IKZF2: variants seen among roughly 807,000 people sequenced by gnomAD.
The protein encoded by IKZF2 is zinc finger protein Helios.
IKZF2 carries 15 observed loss-of-function variants against 49.2 expected under a neutral mutation model. The ratio of observed to expected loss-of-function variants is 0.30; its 90% CI spans 0.20 to 0.47. The LOEUF is 0.47. Ranked by LOEUF, IKZF2 falls within the 20% of genes least tolerant of loss-of-function variation. The pLI, the probability that IKZF2 is intolerant of heterozygous loss-of-function variation, is 1.00. For missense variants in IKZF2, 567 were observed against 664.6 expected, an observed-to-expected ratio of 0.85 and a Z score of 1.61; for synonymous variants, 227 against 221.4, an observed-to-expected ratio of 1.03 and a Z score of -0.23.
chr2:213,085,178 T>A (rs865825308), intron 4 of IKZF2, among the ~76,000 whole-genome samples: 1 of 152,208 alleles, frequency 6.6e-6, no homozygotes, highest in Non-Finnish European at 1.5e-5. Context: ...TAGAAACAGA[T>A]GATGTTAAAA....
At chr2:213,128,804 CTT>C (rs1184422126) in intron 4 of IKZF2, among the ~76,000 whole-genome samples, 2 of 113,176 alleles carry the variant, frequency 1.8e-5, no homozygotes, top group African/African-American at 3.3e-5. Context: ...ATTTTTTTTT[CTT>C]TTTTTTTTTT....
chr2:213,000,685 A>T lies in IKZF2; in HGVS notation c.*6675T>A, dbSNP rs893244332. 3.3e-4 allele frequency: 15 copies of T among 45,174 alleles called. No homozygotes were observed. In the East Asian group the frequency reaches 5.1e-3, roughly 15 times the overall value. 2.8% of individuals were successfully genotyped at this position (45,174 alleles called of 1,614,324 possible). On this transcript the variant is annotated 3_prime_UTR_variant, in exon 9 of 9. Coordinates refer to ENST00000434687, the MANE Select transcript of IKZF2 (RefSeq NM_001387220.1). ...AACAGGACTGCTCCAAATATTTTTA[A>T]AAAAAATTTCTCCAATAGGTGATAT... is the stretch of plus-strand genomic sequence containing the variant.
intron 5 of IKZF2, among the ~76,000 whole-genome samples, chr2:213,051,122 T>A (rs1273426235): frequency 6.6e-6 from 1 of 151,968 alleles, no homozygotes; most frequent in Non-Finnish European, 1.5e-5. Context: ...AAACTCAAGG[T>A]TTTTTGGCCC....
At chr2:213,061,747 A>G (rs1701713542) in intron 4 of IKZF2, among the ~76,000 whole-genome samples, 1 of 151,560 alleles carries the variant, frequency 6.6e-6, no homozygotes, top group South Asian at 2.1e-4. Context: ...AAGCAAAAAA[A>G]ATACTATTAA....
At chr2:213,032,967 A>G (rs1698624429) in intron 6 of IKZF2, among the ~76,000 whole-genome samples, 1 of 152,214 alleles carries the variant, frequency 6.6e-6, no homozygotes, top group Non-Finnish European at 1.5e-5. Context: ...GATTTTACCC[A>G]GAGTAGAATT....
chr2:213,150,381 G>A (rs1370822656), intron 1 of IKZF2, 134 bp from the exon 2 acceptor site: 1 of 314,534 alleles, frequency 3.2e-6, no homozygotes, highest in Non-Finnish European at 6.5e-6. Context: ...TTTACAGGTG[G>A]GTCATTCCAA....
chr2:213,040,000 T>C (rs554803466), intron 6 of IKZF2, among the ~76,000 whole-genome samples: 4 of 152,108 alleles, frequency 2.6e-5, no homozygotes, highest in Non-Finnish European at 5.9e-5. Flanking sequence ...TAAGAGACAA[T>C]GAATAAATGT....
intron 4 of IKZF2, among the ~76,000 whole-genome samples, chr2:213,121,159 G>T (rs571463318): frequency 5.9e-5 from 9 of 152,238 alleles, no homozygotes; most frequent in African/African-American, 1.4e-4. Flanking sequence ...GATACTTGCT[G>T]ACTGATCAAG....
intron 4 of IKZF2, among the ~76,000 whole-genome samples, chr2:213,097,133 G>T (rs976458683): frequency 1.3e-5 from 2 of 152,044 alleles, no homozygotes; most frequent in African/African-American, 4.8e-5. Context: ...CTAATGGCAT[G>T]CAGTTTAATG....
intron 4 of IKZF2, among the ~76,000 whole-genome samples, chr2:213,134,487 G>C (rs959152080): frequency 5.9e-5 from 9 of 152,268 alleles, no homozygotes; most frequent in African/African-American, 1.7e-4. Flanking sequence ...AAAAGCAATA[G>C]ATTAGTCCAA....
intron 4 of IKZF2, among the ~76,000 whole-genome samples, chr2:213,110,497 T>A (rs1312095735): frequency 6.6e-6 from 1 of 151,942 alleles, no homozygotes; most frequent in African/African-American, 2.4e-5. Context: ...TATTCATGAT[T>A]CTTATTTTTT....
intron 4 of IKZF2, among the ~76,000 whole-genome samples, chr2:213,082,031 G>A (rs973728286): frequency 6.6e-6 from 1 of 152,190 alleles, no homozygotes; most frequent in African/African-American, 2.4e-5. Context: ...AAAGGTCTCT[G>A]AAGAGCAAGT....
chr2:213,042,880 T>C (rs1356141668), intron 6 of IKZF2, among the ~76,000 whole-genome samples: 3 of 152,116 alleles, frequency 2.0e-5, no homozygotes, highest in East Asian at 3.9e-4. Context: ...ATATTACATT[T>C]ATATTTTTTA....
At chr2:213,038,186 G>A (rs890702357) in intron 6 of IKZF2, among the ~76,000 whole-genome samples, 13 of 151,928 alleles carry the variant, frequency 8.6e-5, no homozygotes, top group African/African-American at 2.4e-4. Context: ...TCAGCCTCCC[G>A]TAGCTGGAAC....
At chr2:213,032,404 T>C in intron 6 of IKZF2, among the ~76,000 whole-genome samples, 1 of 152,188 alleles carries the variant, frequency 6.6e-6, no homozygotes, top group Non-Finnish European at 1.5e-5. Flanking sequence ...AAAAACAATG[T>C]ATATACCTTA....
At chr2:213,054,419 A>G (rs1489438737) in intron 5 of IKZF2, among the ~76,000 whole-genome samples, 1 of 152,176 alleles carries the variant, frequency 6.6e-6, no homozygotes, top group African/African-American at 2.4e-5. Context: ...CATTTGGCTA[A>G]TGACTAGATT....
intron 4 of IKZF2, among the ~76,000 whole-genome samples, chr2:213,128,031 G>A (rs2060326369): frequency 6.6e-6 from 1 of 152,104 alleles, no homozygotes; most frequent in African/African-American, 2.4e-5. Flanking sequence ...ATAGATTTGT[G>A]AAATACCACA....
intron 4 of IKZF2, among the ~76,000 whole-genome samples, chr2:213,118,070 A>C (rs2125815000): frequency 6.6e-6 from 1 of 152,364 alleles, no homozygotes; most frequent in Admixed American, 6.5e-5. Flanking sequence ...CGGCTTATAA[A>C]TGGACTTAAA....
intron 4 of IKZF2, among the ~76,000 whole-genome samples, chr2:213,081,493 C>T (rs1703947928): frequency 6.6e-6 from 1 of 151,968 alleles, no homozygotes; most frequent in Non-Finnish European, 1.5e-5. Context: ...GATGAGTACA[C>T]TAATAGATGT....
Sources: allele counts gnomAD v4.1 joint callset (sites outside exome capture counted in the v4.1 genomes callset), GRCh38; gene constraint gnomAD v4.1.1; transcripts MANE v1.5; gene names NCBI Gene and HGNC (gene_info 2026-07-23, HGNC 2026-07-21).